CCDC50: variants seen among roughly 807,000 people sequenced by gnomAD.
CCDC50 encodes coiled-coil domain containing 50.
Under a neutral mutation model 70.2 loss-of-function variants are expected in CCDC50, and 54 were observed. The ratio of observed to expected loss-of-function variants is 0.77; its 90% CI spans 0.62 to 0.96. The LOEUF (loss-of-function observed/expected upper bound fraction) is 0.96, where lower values mean the gene tolerates loss of function less well. Ranked by LOEUF, CCDC50 falls within the 50% of genes least tolerant of loss-of-function variation. The probability of loss-of-function intolerance (pLI) is 0.00; values close to 1 mark genes in which losing one functional copy is unlikely to be tolerated. For synonymous variants in CCDC50, 216 were observed against 198.8 expected (o/e 1.09, Z -0.73); for missense variants, 558 against 578.7 (o/e 0.96, Z 0.37).
chr3:191,393,530 A>C lies in CCDC50; in HGVS notation c.*1770A>C, dbSNP rs565651456. 11 of 152,348 alleles carry C rather than the reference A, an allele frequency of 7.2e-5. No homozygotes were observed. The East Asian group carries it at 1.9e-3, about 27-fold the overall frequency. The allele number at this position is 152,348 out of a possible 1,614,324, so 9.4% of individuals were successfully genotyped here. A position where few individuals can be genotyped will look rare whatever the true frequency, so the allele number is the denominator to read the frequency against. ...GATTTGTAGTTTCAATGAAGTTTGT[A>C]TATTATAGGAATTTAAGTAAAATCA... On this transcript the variant is annotated 3_prime_UTR_variant, in exon 12 of 12. Coordinates refer to ENST00000392455, the MANE Select transcript of CCDC50 (RefSeq NM_178335.3).
intron 6 of CCDC50, among the ~76,000 whole-genome samples, chr3:191,376,011 G>A (rs991484709): frequency 3.3e-5 from 5 of 150,594 alleles, no homozygotes; most frequent in East Asian, 4.0e-4. Context: ...CGATAGAGCC[G>A]GAAATACTGT....
rs570801452 is a variant in CCDC50 at position 191,349,470 on chromosome 3, A to C, written c.50-7618A>C. Among the ~76,000 whole-genome samples, 15 of 141,936 alleles carry C rather than the reference A, an allele frequency of 1.1e-4. 3 individuals carry two copies. The Middle Eastern group carries it at 0.011, about 101-fold the overall frequency. The allele number at this position is 141,936 out of a possible 152,430, so 93.1% of individuals were successfully genotyped here. Reference sequence around the variant, plus strand: ...AAAGAGGGTTAGAGAGATGAGGGCAAGTGGTAGGTCCCAAAGAGAGATTTC... The same window carrying C: ...AAAGAGGGTTAGAGAGATGAGGGCACGTGGTAGGTCCCAAAGAGAGATTTC... On this transcript the variant is annotated intron_variant, in intron 1 of 11. Coordinates refer to ENST00000392455, the MANE Select transcript of CCDC50 (RefSeq NM_178335.3).
intron 4 of CCDC50, among the ~76,000 whole-genome samples, chr3:191,367,397 A>G (rs1430549472): frequency 6.6e-6 from 1 of 152,234 alleles, no homozygotes; most frequent in Non-Finnish European, 1.5e-5. Flanking sequence ...ACTATCCCCT[A>G]AATCTCAATG....
chr3:191,336,487 T>G (rs1306088690), intron 1 of CCDC50, among the ~76,000 whole-genome samples: 1 of 152,222 alleles, frequency 6.6e-6, no homozygotes, highest in Non-Finnish European at 1.5e-5. Flanking sequence ...AGTGTTTGCT[T>G]TAAATTTTAG....
intron 10 of CCDC50, among the ~76,000 whole-genome samples, chr3:191,388,540 C>T (rs578217059): frequency 1.3e-5 from 2 of 152,274 alleles, no homozygotes; most frequent in African/African-American, 4.8e-5. Context: ...CAGTTTATAT[C>T]CCATGCTGAC....
intron 1 of CCDC50, among the ~76,000 whole-genome samples, chr3:191,356,824 A>G (rs938799442): frequency 8.5e-5 from 13 of 152,184 alleles, no homozygotes; most frequent in Non-Finnish European, 1.5e-5. Context: ...TGATTCTGTA[A>G]ATGTTCTCAC....
intron 10 of CCDC50, among the ~76,000 whole-genome samples, chr3:191,384,762 T>A (rs2108672971): frequency 6.6e-6 from 1 of 152,274 alleles, no homozygotes; most frequent in East Asian, 1.9e-4. Context: ...CTTTTATTGA[T>A]CTTGTCACCC....
intron 1 of CCDC50, among the ~76,000 whole-genome samples, chr3:191,352,246 C>T (rs1032888576): frequency 7.0e-6 from 1 of 142,408 alleles, no homozygotes; most frequent in Non-Finnish European, 1.6e-5. Flanking sequence ...GAGTTCAACA[C>T]ATGTTTATTG....
intron 4 of CCDC50, among the ~76,000 whole-genome samples, chr3:191,364,864 T>C (rs1712627278): frequency 6.6e-6 from 1 of 152,126 alleles, no homozygotes; most frequent in Non-Finnish European, 1.5e-5. Flanking sequence ...TCTCTCACTC[T>C]GTCTTGCTCT....
chr3:191,361,712 T>C (rs527363326), intron 4 of CCDC50, among the ~76,000 whole-genome samples: 1 of 152,350 alleles, frequency 6.6e-6, no homozygotes, highest in South Asian at 2.1e-4. Flanking sequence ...TGACCTCAGC[T>C]TAACTAATTA....
At position 191,382,857 on chromosome 3, in the gene CCDC50, A is replaced by G. The variant is rs756483272; in HGVS notation, c.1322+32A>G. On this transcript the variant is annotated intron_variant, in intron 10 of 11. Coordinates refer to ENST00000392455, the MANE Select transcript of CCDC50 (RefSeq NM_178335.3). ...TGACACCTGAAAAGAAAAATGAGGA[A>G]GTTGACTTTGGGGTGAATAAGGAGA... The G allele has an allele frequency of 4.0e-6, 6 of 1,505,444 alleles. No homozygotes were observed. In the South Asian group the frequency reaches 4.5e-5, roughly 11 times the overall value. 93.3% of individuals were successfully genotyped at this position (1,505,444 alleles called of 1,614,324 possible).
chr3:191,346,298 CT>C (rs1485010110), intron 1 of CCDC50, among the ~76,000 whole-genome samples: 1 of 152,138 alleles, frequency 6.6e-6, no homozygotes, highest in African/African-American at 2.4e-5. Flanking sequence ...TCAGATTCGC[CT>C]TCATGGAAGA....
chr3:191,389,654 C>T (rs754539586), intron 11 of CCDC50, 52 bp downstream of exon 11: 4 of 1,361,518 alleles, frequency 2.9e-6, no homozygotes, highest in Non-Finnish European at 4.2e-6. Flanking sequence ...TTATATAAGC[C>T]TCGTGTTGTA....
At chr3:191,353,864 T>TA (rs879754880) in intron 1 of CCDC50, among the ~76,000 whole-genome samples, 6 of 152,006 alleles carry the variant, frequency 3.9e-5, no homozygotes, top group Non-Finnish European at 8.8e-5. Flanking sequence ...ATTGAAAATC[T>TA]TCCAGATCCC....
intron 9 of CCDC50, among the ~76,000 whole-genome samples, chr3:191,381,849 C>T (rs1261712180): frequency 6.6e-6 from 1 of 152,032 alleles, no homozygotes; most frequent in Non-Finnish European, 1.5e-5. Flanking sequence ...GTTTCTGGTC[C>T]CACCTCACAG....
In CCDC50 at chr3:191,380,737, T is replaced by C; in HGVS notation, c.1137+6T>C. The C allele has an allele frequency of 6.2e-7, 1 of 1,612,568 alleles. No homozygotes were observed. The highest frequency in any genetic ancestry group is 8.5e-7 in the Non-Finnish European group (1 of 1,179,112). On this transcript the variant is annotated splice_donor_region_variant and intron_variant, in intron 8 of 11. Transcript: ENST00000392455. ...CTCAAGTAGCTCAAGATGAAGTAAG[T>C]TAATGAGTTTAGCTGATATTCTTTG...
intron 1 of CCDC50, among the ~76,000 whole-genome samples, chr3:191,335,735 G>A (rs750486215): frequency 1.3e-5 from 2 of 152,120 alleles, no homozygotes; most frequent in South Asian, 2.1e-4. Flanking sequence ...GTGTATTACC[G>A]GTCTTGTTTA....
At chr3:191,367,064 G>T (rs1712719910) in intron 4 of CCDC50, among the ~76,000 whole-genome samples, 1 of 152,046 alleles carries the variant, frequency 6.6e-6, no homozygotes, top group African/African-American at 2.4e-5. Flanking sequence ...GTTTTCCATT[G>T]AATTTTTGTC....
Position 191,389,518 on chromosome 3 carries a change from G to A in CCDC50, c.1345G>A (p.Asp449Asn). 6.2e-7 allele frequency: 1 copy of A among 1,614,086 alleles called. No individual in the cohort carries two copies. Among genetic ancestry groups the A allele is most frequent in the Non-Finnish European group, 8.5e-7 (1 of 1,179,944 alleles). Residue 449 changes from aspartate (D) to asparagine (N), a missense_variant, in exon 11 of 12, where the codon GAT (aspartate) becomes AAT (asparagine). Transcript: ENST00000392455. ...PARPPPPIMT[D>N]GEDADYTHFT... ...TAGGCCACCACCACCTATCATGACA[G>A]ATGGTGAAGATGCGGATTACACTCA...
Sources: gnomAD v4.1 joint callset for allele counts (sites outside exome capture counted in the v4.1 genomes callset) on GRCh38, gnomAD v4.1.1 for gene constraint, MANE v1.5 for transcripts, NCBI Gene and HGNC (gene_info 2026-07-23, HGNC 2026-07-21) for gene names.